The following TRAF5 variants were observed in gnomAD, a reference collection of about 807,000 sequenced individuals.
TRAF5 encodes TNF receptor-associated factor 5.
TRAF5 carries 48 observed loss-of-function variants against 64.5 expected under a neutral mutation model. The ratio of observed to expected loss-of-function variants is 0.74; its 90% CI spans 0.59 to 0.95. TRAF5 has a LOEUF of 0.95. TRAF5 is among the 40% of genes least tolerant of loss of function. The probability of loss-of-function intolerance (pLI) is 0.00; values close to 1 mark genes in which losing one functional copy is unlikely to be tolerated. For missense variants in TRAF5, 545 were observed against 662.8 expected (o/e 0.82, Z 1.95); for synonymous variants, 206 against 240.5 (o/e 0.86, Z 1.33).
intron 1 of TRAF5, among the ~76,000 whole-genome samples, chr1:211,327,991 A>T (rs1264724306): frequency 6.6e-6 from 1 of 152,234 alleles, no homozygotes; most frequent in African/African-American, 2.4e-5. Context: ...TCCTCCAGAG[A>T]TACTTGCATT....
At chr1:211,327,891 T>C (rs953696247) in intron 1 of TRAF5, among the ~76,000 whole-genome samples, 1 of 152,212 alleles carries the variant, frequency 6.6e-6, no homozygotes, top group South Asian at 2.1e-4. Context: ...CCTGTGAGGA[T>C]AGGCATCTGG....
intron 7 of TRAF5, 82 bp downstream of exon 7, chr1:211,361,244 G>A (rs551236335): frequency 1.0e-5 from 13 of 1,248,810 alleles, no homozygotes; most frequent in South Asian, 5.0e-5. Context: ...CTGTTCCATC[G>A]AGGATGGAGA....
intron 1 of TRAF5, among the ~76,000 whole-genome samples, chr1:211,336,331 C>A (rs1428223755): frequency 6.6e-6 from 1 of 152,214 alleles, no homozygotes; most frequent in Non-Finnish European, 1.5e-5. Flanking sequence ...CACTTGGCAC[C>A]TCACCCAGAG....
intron 1 of TRAF5, among the ~76,000 whole-genome samples, chr1:211,339,257 G>A (rs962348069): frequency 1.3e-5 from 2 of 152,170 alleles, no homozygotes; most frequent in Non-Finnish European, 2.9e-5. Flanking sequence ...AAAAGTGCAG[G>A]CTGGAAATTA....
At chr1:211,326,791 C>G, upstream of TRAF5, 3 of 984,318 alleles carry the variant, frequency 3.0e-6, no homozygotes, top group Non-Finnish European at 3.6e-6. The surrounding 1 kb of genome is among the most constrained non-coding windows in gnomAD (Gnocchi z 5.0). Flanking sequence ...CGGCCCCGCC[C>G]CAGGCCTCGC....
chr1:211,365,367 A>C lies in TRAF5; in HGVS notation c.697-9A>C, dbSNP rs759055963. On this transcript the variant is annotated splice_polypyrimidine_tract_variant and intron_variant, in intron 7 of 10. Transcript: ENST00000261464. ...AGCAACCTGACTTATTTTTCTCTTC[A>C]TATTGAAGGATAAACGGAGGAACCT... The C allele has an allele frequency of 6.2e-7, 1 of 1,610,856 alleles. No homozygotes were observed. The highest frequency in any genetic ancestry group is 8.5e-7 in the Non-Finnish European group (1 of 1,178,750).
intron 7 of TRAF5, among the ~76,000 whole-genome samples, chr1:211,364,984 C>T (rs566649111): frequency 6.6e-6 from 1 of 152,082 alleles, no homozygotes; most frequent in African/African-American, 2.4e-5. Context: ...ACCAGCCTGG[C>T]CAACATGGTG....
intron 1 of TRAF5, among the ~76,000 whole-genome samples, chr1:211,328,637 C>T (rs994943602): frequency 3.3e-5 from 5 of 152,152 alleles, no homozygotes; most frequent in African/African-American, 1.2e-4. Context: ...TTTGCACAGT[C>T]GGGGAGCTAG....
chr1:211,336,691 G>C (rs951904497), intron 1 of TRAF5, among the ~76,000 whole-genome samples: 1 of 152,182 alleles, frequency 6.6e-6, no homozygotes, highest in Non-Finnish European at 1.5e-5. Flanking sequence ...ACGGAGTCTT[G>C]CTCTGTCATC....
intron 1 of TRAF5, among the ~76,000 whole-genome samples, chr1:211,335,929 T>A (rs1702278452): frequency 2.0e-5 from 3 of 151,564 alleles, no homozygotes; most frequent in African/African-American, 7.3e-5. Flanking sequence ...GCAGGGAGAT[T>A]TGCAGGTGTG....
At chr1:211,347,834 T>C (rs1702659972) in intron 1 of TRAF5, among the ~76,000 whole-genome samples, 1 of 152,194 alleles carries the variant, frequency 6.6e-6, no homozygotes, top group African/African-American at 2.4e-5. Flanking sequence ...TTCAGGTGAG[T>C]TCAGGTAAGA....
At chr1:211,330,069 C>T (rs1165555200) in intron 1 of TRAF5, among the ~76,000 whole-genome samples, 1 of 152,220 alleles carries the variant, frequency 6.6e-6, no homozygotes, top group Non-Finnish European at 1.5e-5. Flanking sequence ...GGAACTCAGT[C>T]TGTTTACAGT....
Position 211,340,210 on chromosome 1 carries a change from G to C in TRAF5, c.-1-13029G>C, listed in dbSNP as rs73072803. ...CCAAGCTAAATCTAAACAGTTGTCT[G>C]TTGGCTGTGCATCCAAGCTCGAGGG... is the stretch of plus-strand genomic sequence containing the variant. On this transcript the variant is annotated intron_variant, in intron 1 of 10. Transcript: ENST00000261464. Among the ~76,000 whole-genome samples the C allele has an allele frequency of 6.1e-3, 936 of 152,280 alleles. 9 individuals are homozygous for C. Among genetic ancestry groups the C allele is most frequent in the African/African-American group, 0.021 (861 of 41,564 alleles).
At chr1:211,332,186 G>T (rs1436556597) in intron 1 of TRAF5, among the ~76,000 whole-genome samples, 1 of 152,230 alleles carries the variant, frequency 6.6e-6, no homozygotes, top group Non-Finnish European at 1.5e-5. Context: ...CTTGTGGGCA[G>T]AGCAGGCGGC....
chr1:211,368,456 T>C (rs1389770589), intron 8 of TRAF5, among the ~76,000 whole-genome samples: 1 of 152,100 alleles, frequency 6.6e-6, no homozygotes, highest in Non-Finnish European at 1.5e-5. Flanking sequence ...TAGTGGACTG[T>C]GAGGTTCATG....
At chr1:211,340,453 T>G (rs1369478489) in intron 1 of TRAF5, among the ~76,000 whole-genome samples, 1 of 152,184 alleles carries the variant, frequency 6.6e-6, no homozygotes, top group Non-Finnish European at 1.5e-5. Context: ...CCCAGCTTTT[T>G]GTATTTTTAG....
At position 211,364,192 on chromosome 1, in the gene TRAF5, T is replaced by C. The variant is rs1245904059; in HGVS notation, c.697-1184T>C. ...TGCTTTTACTGTAATATAGGCAGTCTACAAAAAAAAATATTTTAATGATTA... is the reference window on the plus strand; with the variant it reads ...TGCTTTTACTGTAATATAGGCAGTCCACAAAAAAAAATATTTTAATGATTA... On this transcript the variant is annotated intron_variant, in intron 7 of 10. Transcript: ENST00000261464. Among the ~76,000 whole-genome samples, 13 of 152,080 alleles carry C rather than the reference T, an allele frequency of 8.5e-5. 1 individual carries two copies.
intron 1 of TRAF5, among the ~76,000 whole-genome samples, chr1:211,347,738 T>C (rs891235538): frequency 5.3e-5 from 8 of 152,200 alleles, no homozygotes; most frequent in Non-Finnish European, 1.2e-4. Context: ...AGCCATCTAA[T>C]AGAGCAGTGG....
intron 1 of TRAF5, among the ~76,000 whole-genome samples, chr1:211,337,486 C>T (rs1302548337): frequency 6.6e-6 from 1 of 152,148 alleles, no homozygotes; most frequent in Non-Finnish European, 1.5e-5. Context: ...CTGGCTTCTA[C>T]CCCGAGTGCA....
Sources: allele counts gnomAD v4.1 joint callset (sites outside exome capture counted in the v4.1 genomes callset), GRCh38; gene constraint gnomAD v4.1.1; non-coding constraint Gnocchi (gnomAD v3.1); transcripts MANE v1.5; gene names NCBI Gene and HGNC (gene_info 2026-07-23, HGNC 2026-07-21).